The following INPP4B variants were observed in gnomAD, a reference collection of about 807,000 sequenced individuals.
INPP4B encodes inositol polyphosphate-4-phosphatase type II B.
In INPP4B, 55 loss-of-function variants were observed where a neutral mutation model predicts 122.5. That is an observed-to-expected ratio of 0.45 (90% CI 0.36 to 0.56). The LOEUF is 0.56. INPP4B is among the 20% of genes least tolerant of loss of function. The probability of loss-of-function intolerance (pLI) is 0.00; values close to 1 mark genes in which losing one functional copy is unlikely to be tolerated. For synonymous variants in INPP4B, 403 were observed against 388.7 expected, an observed-to-expected ratio of 1.04 and a Z score of -0.43; for missense variants, 1,000 against 1,097.7, an observed-to-expected ratio of 0.91 and a Z score of 1.26.
chr4:142,328,929 T>A (rs1319630768), intron 7 of INPP4B, among the ~76,000 whole-genome samples: 1 of 152,162 alleles, frequency 6.6e-6, no homozygotes, highest in Non-Finnish European at 1.5e-5. Flanking sequence ...TTCCAGAGTC[T>A]CTTTCAGAGG....
intron 2 of INPP4B, among the ~76,000 whole-genome samples, chr4:142,476,580 G>T (rs952668766): frequency 6.6e-6 from 1 of 152,154 alleles, no homozygotes; most frequent in Non-Finnish European, 1.5e-5. Context: ...CATCTCACAT[G>T]CAGTGACACC....
At chr4:142,380,188 CAT>C (rs1793582374) in intron 7 of INPP4B, among the ~76,000 whole-genome samples, 1 of 152,206 alleles carries the variant, frequency 6.6e-6, no homozygotes, top group Admixed American at 6.6e-5. Context: ...CTGACTAAAA[CAT>C]AGCAAAGGAT....
At chr4:142,592,140 C>A (rs1304382172) in intron 2 of INPP4B, among the ~76,000 whole-genome samples, 2 of 152,222 alleles carry the variant, frequency 1.3e-5, no homozygotes, top group African/African-American at 4.8e-5. Context: ...TTCTGAAAAT[C>A]TAAATTTTTT....
chr4:142,033,382 T>A (rs1741642331), intron 25 of INPP4B, among the ~76,000 whole-genome samples: 1 of 151,992 alleles, frequency 6.6e-6, no homozygotes, highest in Non-Finnish European at 1.5e-5. Context: ...GAGGCTGAGG[T>A]CAAGGCAGGG....
intron 23 of INPP4B, among the ~76,000 whole-genome samples, chr4:142,090,148 A>G (rs336313): frequency 0.89 from 135,785 of 152,128 alleles, 62,179 homozygotes; most frequent in Non-Finnish European, 0.99. Context: ...AGACTATAAG[A>G]ATCCTAAATG....
At chr4:142,221,764 C>T (rs541673198) in intron 12 of INPP4B, among the ~76,000 whole-genome samples, 29 of 152,152 alleles carry the variant, frequency 1.9e-4, no homozygotes, top group Admixed American at 2.6e-4. Flanking sequence ...TGTAGCTGTT[C>T]GGTACTTACA....
chr4:142,239,230 T>C (rs1205919903), intron 11 of INPP4B, among the ~76,000 whole-genome samples: 1 of 152,124 alleles, frequency 6.6e-6, no homozygotes, highest in Non-Finnish European at 1.5e-5. Flanking sequence ...TCAAAATTGG[T>C]ACCATAATGG....
rs556412518 is a variant in INPP4B, at chr4:142,340,442, C to T, written c.373-25680G>A. ...AAATTTTTAGAGACAGGGTCTCTTT[C>T]TGTCACCCAGGCTGGAGTATAGTGG... On this transcript the variant is annotated intron_variant, in intron 7 of 25. Transcript: ENST00000262992. Among the ~76,000 whole-genome samples the T allele has an allele frequency of 5.8e-4, 88 of 152,156 alleles. 1 individual carries two copies. In the Middle Eastern group the frequency reaches 0.01, roughly 18 times the overall value.
intron 7 of INPP4B, among the ~76,000 whole-genome samples, chr4:142,329,431 T>A (rs539116223): frequency 1.3e-5 from 2 of 152,286 alleles, no homozygotes; most frequent in East Asian, 3.9e-4. Context: ...TCTGGGAACA[T>A]TGGGTTTATG....
rs545971720 is a variant in INPP4B at position 142,205,487 on chromosome 4, A to G, written c.1072+2938T>C. On this transcript the variant is annotated intron_variant, in intron 14 of 25. Transcript: ENST00000262992. ...TTAGTTCAAGACTTCGTTGATTTTT[A>G]ATAGGCTCTTACTTGATCAATTTTC... Among the ~76,000 whole-genome samples, 4 of 152,218 alleles carry G rather than the reference A, an allele frequency of 2.6e-5. No homozygotes were observed. In the South Asian group the frequency reaches 6.2e-4, roughly 24 times the overall value.
chr4:142,440,512 TG>T (rs1384314803), intron 3 of INPP4B, among the ~76,000 whole-genome samples: 1 of 152,202 alleles, frequency 6.6e-6, no homozygotes, highest in Admixed American at 6.5e-5. Context: ...GTTTTCCTAA[TG>T]TTTTTTATCC....
At chr4:142,389,290 G>T (rs969320936) in intron 7 of INPP4B, among the ~76,000 whole-genome samples, 5 of 149,516 alleles carry the variant, frequency 3.3e-5, no homozygotes, top group Admixed American at 1.3e-4. Context: ...ACTGGTAAAT[G>T]AAAAATCTTA....
chr4:142,495,935 C>T (rs1490202689), intron 2 of INPP4B, among the ~76,000 whole-genome samples: 1 of 151,998 alleles, frequency 6.6e-6, no homozygotes, highest in Non-Finnish European at 1.5e-5. Flanking sequence ...GGCAAATGCC[C>T]CAGGGAAACA....
intron 2 of INPP4B, among the ~76,000 whole-genome samples, chr4:142,624,733 T>G (rs1745903410): frequency 1.3e-5 from 2 of 152,120 alleles, no homozygotes; most frequent in Non-Finnish European, 2.9e-5. Context: ...AAATCCTCAA[T>G]AAAATACTGG....
At chr4:142,717,420 T>C (rs1763922434) in intron 2 of INPP4B, among the ~76,000 whole-genome samples, 1 of 152,220 alleles carries the variant, frequency 6.6e-6, no homozygotes. Flanking sequence ...TTAAATAGCT[T>C]GCTTCAGCCA....
Position 142,817,914 on chromosome 4 carries a change from C to T in INPP4B, c.-254+28295G>A, listed in dbSNP as rs547856333. The stretch of plus-strand genomic sequence containing the variant: ...AGGAAATTGGGACTTCTTAGATAAA[C>T]TTAGCTGTGTGGTATTTTGCTTCCC... On this transcript the variant is annotated intron_variant, in intron 1 of 25. Transcript: ENST00000262992. 7.2e-5 allele frequency among the ~76,000 whole-genome samples: 11 copies of T among 152,156 alleles called. No individual in the cohort carries two copies. The Middle Eastern group carries it at 0.01, about 141-fold the overall frequency.
In INPP4B at chr4:142,566,504, G is replaced by C. The variant is rs1042409937; in HGVS notation, c.-190-103778C>G. Among the ~76,000 whole-genome samples the C allele has an allele frequency of 4.6e-5, 7 of 152,166 alleles. No individual in the cohort carries two copies. In the South Asian group the frequency reaches 1.2e-3, roughly 27 times the overall value. ...TGTGATCCTGTACTTTCAAAGAAGGGAGTTCTGTTTCAGGCAGATATTTGA... is the reference window on the plus strand; with the variant it reads ...TGTGATCCTGTACTTTCAAAGAAGGCAGTTCTGTTTCAGGCAGATATTTGA... On this transcript the variant is annotated intron_variant, in intron 2 of 25. Coordinates refer to ENST00000262992, the MANE Select transcript of INPP4B (RefSeq NM_001101669.3).
At chr4:142,787,056 A>G (rs1033698369) in intron 1 of INPP4B, among the ~76,000 whole-genome samples, 3 of 152,142 alleles carry the variant, frequency 2.0e-5, no homozygotes, top group African/African-American at 7.2e-5. Flanking sequence ...CAAATGTTAA[A>G]AATAAGGGAA....
intron 25 of INPP4B, among the ~76,000 whole-genome samples, chr4:142,059,463 TTCTC>T (rs1478667377): frequency 6.6e-6 from 1 of 152,146 alleles, no homozygotes; most frequent in African/African-American, 2.4e-5. Flanking sequence ...CTGTATGTGA[TTCTC>T]TCTCAGTAGA....
Sources: allele counts gnomAD v4.1 joint callset (sites outside exome capture counted in the v4.1 genomes callset), GRCh38; gene constraint gnomAD v4.1.1; transcripts MANE v1.5; gene names NCBI Gene and HGNC (gene_info 2026-07-23, HGNC 2026-07-21).